The following GAL3ST1 variants were observed in gnomAD, a reference collection of about 807,000 sequenced individuals.
The protein encoded by GAL3ST1 is galactose-3-O-sulfotransferase 1.
Under a neutral mutation model 25.0 loss-of-function variants are expected in GAL3ST1, and 13 were observed. The observed-to-expected ratio is 0.52, with a 90% CI of 0.34 to 0.83. The LOEUF (loss-of-function observed/expected upper bound fraction) is 0.83. GAL3ST1 is among the 40% of genes least tolerant of loss of function. The pLI is 0.02. For synonymous variants in GAL3ST1, 274 were observed against 277.8 expected (o/e 0.99, Z 0.14); for missense variants, 474 against 613.6 (o/e 0.77, Z 2.40).
chr22:30,565,463 A>G (rs1248732059), intron 1 of GAL3ST1, among the ~76,000 whole-genome samples: 1 of 152,226 alleles, frequency 6.6e-6, no homozygotes, highest in Non-Finnish European at 1.5e-5. Flanking sequence ...CCAGGGACCA[A>G]GGTTTATCTA....
At chr22:30,556,239 G>A in intron 3 of GAL3ST1, 146 bp from the exon 4 acceptor site, 2 of 660,686 alleles carry the variant, frequency 3.0e-6, no homozygotes, top group Non-Finnish European at 5.1e-6. Context: ...CAGGCTGGGT[G>A]CCTGCGCGGG....
chr22:30,557,926 T>C (rs147156489), intron 2 of GAL3ST1, among the ~76,000 whole-genome samples: 1 of 151,710 alleles, frequency 6.6e-6, no homozygotes, highest in African/African-American at 2.4e-5. Flanking sequence ...TTTTAGGGCA[T>C]CATAATGAAA....
At chr22:30,571,751 C>T (rs927060754) in intron 1 of GAL3ST1, among the ~76,000 whole-genome samples, 10 of 152,100 alleles carry the variant, frequency 6.6e-5, no homozygotes, top group African/African-American at 2.4e-4. Context: ...ATAGTCCCAG[C>T]TACTCGGGAG....
At chr22:30,557,660 A>G (rs2086123068) in intron 2 of GAL3ST1, 1 of 373,128 alleles carries the variant, frequency 2.7e-6, no homozygotes, top group Non-Finnish European at 4.8e-6. Context: ...TAAAATTTAA[A>G]AATTAAAATG....
Position 30,555,073 on chromosome 22 carries a change from C to CT in GAL3ST1, c.1151dup (p.Arg385AlafsTer58). 6.2e-7 allele frequency: 1 copy of CT among 1,612,704 alleles called. No individual in the cohort carries two copies. Among genetic ancestry groups the CT allele is most frequent in the Non-Finnish European group, 8.5e-7 (1 of 1,179,732 alleles). On this transcript the variant is annotated frameshift_variant, in exon 4 of 4. Transcript: ENST00000406361. LOFTEE classifies it high-confidence loss of function. This position sits in a 1 kb window ranked among gnomAD's most constrained non-coding sequence, Gnocchi z 8.6. ...TGCGCCGGCAGAGCTGCGCGTGCCG[C>CT]TGCCCGATGCTCTTCTTGAGGTTGT... is the stretch of plus-strand genomic sequence containing the variant.
chr22:30,564,312 C>T (rs532564153), intron 1 of GAL3ST1, among the ~76,000 whole-genome samples: 2 of 151,988 alleles, frequency 1.3e-5, no homozygotes, highest in Non-Finnish European at 2.9e-5. Flanking sequence ...ACGATGGAGG[C>T]TTGCAGGCAG....
At position 30,556,019 on chromosome 22, in the gene GAL3ST1, G is replaced by T. The variant is rs1601924848; in HGVS notation, c.206C>A (p.Ala69Glu). The change falls in exon 4 of 4, where the codon GCG becomes GAG. Residue 69 changes from alanine (A) to glutamate (E), a missense_variant. Transcript: ENST00000406361. The stretch of plus-strand genomic sequence containing the variant: ...GTTGCGCCGCGGCTGGCACTCCCCC[G>T]CCGAGCCGTTGGCCCGGATCACTGC... ...PEAVIRANGSAGECQPRRNIV... is the reference protein window; with the variant it reads ...PEAVIRANGSEGECQPRRNIV... The T allele has an allele frequency of 6.2e-7, 1 of 1,612,620 alleles. No homozygotes were observed. The highest frequency in any genetic ancestry group is 2.2e-5 in the East Asian group (1 of 44,864).
chr22:30,562,236 G>A (rs4149487), intron 1 of GAL3ST1, among the ~76,000 whole-genome samples: 7,377 of 152,134 alleles, frequency 0.048, 308 homozygotes, highest in East Asian at 0.18. Flanking sequence ...AAAAAATTTT[G>A]TAGAGATGGG....
In GAL3ST1 at chr22:30,558,295, T is replaced by G. The variant is rs574263124; in HGVS notation, c.-26A>C. 1 of 152,078 alleles carries G rather than the reference T, an allele frequency of 6.6e-6. No homozygotes were observed. The highest frequency in any genetic ancestry group is 1.5e-5 in the Non-Finnish European group (1 of 68,028). The allele number at this position is 152,078 out of a possible 1,614,324, so 9.4% of individuals were successfully genotyped here. A position where few individuals can be genotyped will look rare whatever the true frequency, so the allele number is the denominator to read the frequency against. ...GGCACATGCCTGTAGTCCTAGTTACTTGGAAGGCTGAGGCGGGAGGATTGC... is the reference window on the plus strand; with the variant it reads ...GGCACATGCCTGTAGTCCTAGTTACGTGGAAGGCTGAGGCGGGAGGATTGC... On this transcript the variant is annotated 5_prime_UTR_variant, in exon 2 of 4. Coordinates refer to ENST00000406361, the MANE Select transcript of GAL3ST1 (RefSeq NM_001318104.2).
chr22:30,568,497 G>C (rs907794799), intron 1 of GAL3ST1, among the ~76,000 whole-genome samples: 6 of 152,156 alleles, frequency 3.9e-5, no homozygotes, highest in African/African-American at 1.2e-4. Flanking sequence ...GAGGAGCCTA[G>C]GTCTTTGCAT....
intron 1 of GAL3ST1, among the ~76,000 whole-genome samples, chr22:30,561,924 C>CA (rs2086431978): frequency 6.6e-6 from 1 of 152,174 alleles, no homozygotes; most frequent in African/African-American, 2.4e-5. Flanking sequence ...AATGGACACA[C>CA]AACAGCAAGA....
chr22:30,570,958 T>C (rs551942277), intron 1 of GAL3ST1, among the ~76,000 whole-genome samples: 9 of 149,630 alleles, frequency 6.0e-5, no homozygotes, highest in Admixed American at 4.7e-4. Context: ...TTCTGGAACA[T>C]ATTTTGATTC....
intron 1 of GAL3ST1, among the ~76,000 whole-genome samples, chr22:30,573,092 A>C (rs2086826527): frequency 6.6e-6 from 1 of 152,148 alleles, no homozygotes; most frequent in African/African-American, 2.4e-5. Flanking sequence ...AAGCAGGCTG[A>C]GGTGGCAGCT....
At chr22:30,556,476 A>G (rs2086034602) in intron 3 of GAL3ST1, among the ~76,000 whole-genome samples, 1 of 152,126 alleles carries the variant, frequency 6.6e-6, no homozygotes, top group Admixed American at 6.5e-5. Context: ...TGTCAAGTTA[A>G]TATCACCAAC....
At chr22:30,570,344 C>T (rs992347832) in intron 1 of GAL3ST1, among the ~76,000 whole-genome samples, 2 of 152,186 alleles carry the variant, frequency 1.3e-5, no homozygotes, top group South Asian at 2.1e-4. Context: ...TGTTCTCAGA[C>T]CCAGCAATCC....
intron 1 of GAL3ST1, chr22:30,560,437 CAT>C (rs2086336106): frequency 6.6e-6 from 1 of 152,170 alleles, no homozygotes; most frequent in Non-Finnish European, 1.5e-5. Flanking sequence ...GCAACCAGCA[CAT>C]AGTCATCACT....
chr22:30,560,011 C>T (rs2086295874), intron 1 of GAL3ST1, among the ~76,000 whole-genome samples: 2 of 152,184 alleles, frequency 1.3e-5, no homozygotes, highest in South Asian at 4.1e-4. Context: ...GTCACACACA[C>T]TATGCCCTGG....
chr22:30,566,841 C>G (rs1034286734), intron 1 of GAL3ST1, among the ~76,000 whole-genome samples: 1 of 152,194 alleles, frequency 6.6e-6, no homozygotes, highest in Non-Finnish European at 1.5e-5. Flanking sequence ...GATCTCCTGA[C>G]CTCATGATCT....
At chr22:30,565,647 AC>A (rs1287932635) in intron 1 of GAL3ST1, among the ~76,000 whole-genome samples, 6 of 152,260 alleles carry the variant, frequency 3.9e-5, no homozygotes, top group African/African-American at 1.4e-4. Flanking sequence ...GAATGGTGAT[AC>A]CCAGACACTC....
Sources: gnomAD v4.1 joint callset for allele counts (sites outside exome capture counted in the v4.1 genomes callset) on GRCh38, gnomAD v4.1.1 for gene constraint, Gnocchi (gnomAD v3.1) non-coding constraint, MANE v1.5 for transcripts, NCBI Gene and HGNC (gene_info 2026-07-23, HGNC 2026-07-21) for gene names.